TRRAP: variants seen among roughly 807,000 people sequenced by gnomAD.
The protein encoded by TRRAP is transformation/transcription domain-associated protein.
TRRAP carries 41 observed loss-of-function variants against 438.8 expected under a neutral mutation model. The observed-to-expected ratio is 0.09, with a 90% CI of 0.07 to 0.12. TRRAP has a LOEUF of 0.12. Among genes scored for constraint, TRRAP ranks in the 10% least tolerant of loss-of-function variants. TRRAP has a pLI of 1.00. For missense variants in TRRAP, 3,122 were observed against 5,055.1 expected, an observed-to-expected ratio of 0.62 and a Z score of 11.60; for synonymous variants, 1,994 against 1,962.9, an observed-to-expected ratio of 1.02 and a Z score of -0.42.
At chr7:98,971,728 CAGG>C in intron 52 of TRRAP, 68 bp from the exon 53 acceptor site, 3 of 1,544,938 alleles carry the variant, frequency 1.9e-6, no homozygotes, top group Non-Finnish European at 2.6e-6. Context: ...AAGAAGCCTA[CAGG>C]AGGTGTGTTT....
chr7:98,989,083 A>C, intron 63 of TRRAP, 117 bp downstream of exon 63: 1 of 1,042,820 alleles, frequency 9.6e-7, no homozygotes, highest in Non-Finnish European at 1.4e-6. Flanking sequence ...TCATGCCTTA[A>C]CTCTTAATCC....
At chr7:98,893,754 G>A (rs1554405295) in intron 5 of TRRAP, 44 bp from the exon 6 acceptor site, 2 of 1,561,454 alleles carry the variant, frequency 1.3e-6, no homozygotes, top group African/African-American at 1.4e-5. Flanking sequence ...AGCCTTTAAA[G>A]TGAGTCTTCA....
chr7:98,896,650 C>T (rs1261748374), intron 7 of TRRAP, among the ~76,000 whole-genome samples: 1 of 152,118 alleles, frequency 6.6e-6, no homozygotes, highest in East Asian at 1.9e-4. Flanking sequence ...TCCCAGAGTG[C>T]TGGGATTACA....
rs1554419801 is a variant in TRRAP at position 98,956,415 on chromosome 7, A to G, written c.6113A>G (p.Asp2038Gly). Reference protein sequence around the residue: ...IKDQQPDSDMDPNSSGEGVNS... With the variant: ...IKDQQPDSDMGPNSSGEGVNS... ...GTTTTTAAGCCGGATTCAGATATGGACCCAAATTCCAGTGGAGAAGGAGTC... is the reference window on the plus strand; with the variant it reads ...GTTTTTAAGCCGGATTCAGATATGGGCCCAAATTCCAGTGGAGAAGGAGTC... Residue 2038 changes from aspartate to glycine, a missense_variant, in exon 43 of 73, where the codon GAC (aspartate) becomes GGC (glycine). By Grantham distance (94) the Asp-to-Gly change is moderately conservative (BLOSUM62 -1). Coordinates refer to ENST00000456197, the MANE Select transcript of TRRAP (RefSeq NM_001375524.1). This position sits in a 1 kb window ranked among gnomAD's most constrained non-coding sequence, Gnocchi z 4.5. The G allele has an allele frequency of 1.9e-6, 3 of 1,614,032 alleles. No homozygotes were observed. Among genetic ancestry groups the G allele is most frequent in the Non-Finnish European group, 2.5e-6 (3 of 1,180,004 alleles).
At chr7:98,916,058 C>T (rs1158837695) in intron 19 of TRRAP, among the ~76,000 whole-genome samples, 170 bp downstream of exon 19, 3 of 150,480 alleles carry the variant, frequency 2.0e-5, no homozygotes, top group Non-Finnish European at 3.0e-5. Flanking sequence ...CCCTGGTCAT[C>T]TACTGGGACT....
At chr7:98,902,685 A>T (rs1438863883) in intron 11 of TRRAP, among the ~76,000 whole-genome samples, 1 of 152,138 alleles carries the variant, frequency 6.6e-6, no homozygotes, top group African/African-American at 2.4e-5. Context: ...CTGACACCGC[A>T]AAAGAAGATT....
chr7:98,897,980 T>C (rs1796299638), intron 8 of TRRAP, 114 bp downstream of exon 8: 1 of 1,520,394 alleles, frequency 6.6e-7, no homozygotes, highest in Non-Finnish European at 9.0e-7. Flanking sequence ...CAAACGTGTG[T>C]GCCTGGCAAA....
chr7:98,992,363 C>G (rs1353618109), intron 65 of TRRAP, 136 bp downstream of exon 65: 1 of 856,600 alleles, frequency 1.2e-6, no homozygotes, highest in Admixed American at 2.0e-5. Context: ...CCTCAGTGGG[C>G]AGCACCGTAG....
intron 47 of TRRAP, among the ~76,000 whole-genome samples, chr7:98,963,506 G>A (rs1792012270): frequency 6.6e-6 from 1 of 152,178 alleles, no homozygotes; most frequent in Non-Finnish European, 1.5e-5. Context: ...GCAGCCTCGG[G>A]GTGAGGTGGG....
intron 30 of TRRAP, among the ~76,000 whole-genome samples, chr7:98,939,780 C>T (rs1790709462): frequency 6.6e-6 from 1 of 152,220 alleles, no homozygotes; most frequent in South Asian, 2.1e-4. Flanking sequence ...TGCATGTGTC[C>T]AAATGTCCTA....
At chr7:98,938,927 T>C (rs1325456712) in intron 30 of TRRAP, among the ~76,000 whole-genome samples, 1 of 152,264 alleles carries the variant, frequency 6.6e-6, no homozygotes, top group Non-Finnish European at 1.5e-5. Flanking sequence ...CCTTCTTTCA[T>C]ACAGTCTTGG....
intron 45 of TRRAP, among the ~76,000 whole-genome samples, chr7:98,960,416 C>CAT (rs1791835853): frequency 2.6e-5 from 4 of 152,222 alleles, no homozygotes; most frequent in Non-Finnish European, 5.9e-5. Flanking sequence ...TTATTCTGGA[C>CAT]TGCAAAGGCC....
At chr7:98,883,047 T>A (rs1401833241) in intron 3 of TRRAP, among the ~76,000 whole-genome samples, 3 of 152,264 alleles carry the variant, frequency 2.0e-5, no homozygotes, top group Non-Finnish European at 4.4e-5. Flanking sequence ...ATGTCATTTC[T>A]GGTTCTGCTA....
chr7:99,002,267 A>G (rs1226837284), intron 67 of TRRAP, among the ~76,000 whole-genome samples: 1 of 152,232 alleles, frequency 6.6e-6, no homozygotes, highest in Non-Finnish European at 1.5e-5. Flanking sequence ...GCATGCATAC[A>G]CACATGTGCG....
At position 99,005,812 on chromosome 7, in the gene TRRAP, C is replaced by G. The variant is rs1239044837; in HGVS notation, c.10753+464C>G. Among the ~76,000 whole-genome samples, 2 of 152,032 alleles carry G rather than the reference C, an allele frequency of 1.3e-5. No individual in the cohort carries two copies. Among genetic ancestry groups the G allele is most frequent in the Non-Finnish European group, 2.9e-5 (2 of 68,012 alleles). The stretch of plus-strand genomic sequence containing the variant: ...CATCCCTGTTCTAAGGTCTTTTGCA[C>G]TCTACGGAGTGGGCCCCTGGAGAGC... On this transcript the variant is annotated intron_variant, in intron 69 of 72. Transcript: ENST00000456197. The surrounding 1 kb of genome is among the most constrained non-coding windows in gnomAD (Gnocchi z 5.1).
At chr7:98,999,361 C>T in intron 67 of TRRAP, 1 of 1,404,612 alleles carries the variant, frequency 7.1e-7, no homozygotes. Context: ...AGTGATTCCA[C>T]ATCCTGCACA....
At position 99,012,546 on chromosome 7, in the gene TRRAP, G is replaced by A. The variant is rs532640210; in HGVS notation, c.*191G>A. 15 of 685,506 alleles carry A rather than the reference G, an allele frequency of 2.2e-5. No homozygotes were observed. The highest frequency in any genetic ancestry group is 1.6e-4 in the African/African-American group (9 of 55,654). The allele number at this position is 685,506 out of a possible 1,614,324, so 42.5% of individuals were successfully genotyped here. A position where few individuals can be genotyped will look rare whatever the true frequency, so the allele number is the denominator to read the frequency against. ...GTTTTAGAGGAAGCTGAACTATGAC[G>A]ATGCTGGGCGAAGCGGTTGGAAATG... On this transcript the variant is annotated 3_prime_UTR_variant, in exon 73 of 73. Transcript: ENST00000456197. This position sits in a 1 kb window ranked among gnomAD's most constrained non-coding sequence, Gnocchi z 5.9.
At chr7:98,996,754 A>C (rs1793677048) in intron 67 of TRRAP, among the ~76,000 whole-genome samples, 1 of 152,236 alleles carries the variant, frequency 6.6e-6, no homozygotes, top group Admixed American at 6.5e-5. Flanking sequence ...CCAGGTAAAA[A>C]GAAGAGATGC....
At chr7:99,007,049 C>T (rs768404755) in intron 69 of TRRAP, among the ~76,000 whole-genome samples, 3 of 152,214 alleles carry the variant, frequency 2.0e-5, no homozygotes, top group Non-Finnish European at 2.9e-5. Flanking sequence ...ACTGCATCTC[C>T]AATACCGAAT....
Sources: gnomAD v4.1 joint callset for allele counts (sites outside exome capture counted in the v4.1 genomes callset) on GRCh38, gnomAD v4.1.1 for gene constraint, Gnocchi (gnomAD v3.1) non-coding constraint, MANE v1.5 for transcripts, NCBI Gene and HGNC (gene_info 2026-07-23, HGNC 2026-07-21) for gene names.